OPRM1: variants seen among roughly 807,000 people sequenced by gnomAD.
OPRM1 encodes mu-type opioid receptor.
A neutral mutation model predicts 31.8 loss-of-function variants in OPRM1; 27 were observed. That is an observed-to-expected ratio of 0.85 (90% confidence interval 0.63 to 1.17). The LOEUF is 1.17. Among genes scored for constraint, OPRM1 ranks in the 50% most tolerant of loss-of-function variants. The probability of loss-of-function intolerance (pLI) is 0.00; values close to 1 mark genes in which losing one functional copy is unlikely to be tolerated. For missense variants in OPRM1, 536 were observed against 511.1 expected (o/e 1.05, Z -0.47); for synonymous variants, 196 against 189.9 (o/e 1.03, Z -0.26).
At chr6:154,169,538 G>T (rs1799705422) in intron 3 of OPRM1, among the ~76,000 whole-genome samples, 1 of 152,198 alleles carries the variant, frequency 6.6e-6, no homozygotes, top group Non-Finnish European at 1.5e-5. Context: ...GCTAAAGTTT[G>T]AGAACTACTG....
intron 1 of OPRM1, chr6:154,087,706 G>A (rs1030293164): frequency 1.0e-5 from 5 of 489,974 alleles, no homozygotes; most frequent in East Asian, 1.5e-4. Context: ...ACGTCTTCAC[G>A]CCCTGGACTG....
At chr6:154,077,512 G>C (rs144155532) in intron 1 of OPRM1, among the ~76,000 whole-genome samples, 23,191 of 151,160 alleles carry the variant, frequency 0.15, 1,846 homozygotes, top group Non-Finnish European at 0.17. Flanking sequence ...GGGCGGATTG[G>C]TTGAGGTCAG....
chr6:154,070,631 C>T (rs933959249), intron 1 of OPRM1, among the ~76,000 whole-genome samples: 4 of 152,162 alleles, frequency 2.6e-5, no homozygotes, highest in African/African-American at 9.7e-5. Context: ...GTAATATCTT[C>T]GCCACTTTAC....
downstream of OPRM1, among the ~76,000 whole-genome samples, chr6:154,135,156 T>C: frequency 6.6e-6 from 1 of 152,236 alleles, no homozygotes. Context: ...TTATTAAGTC[T>C]ATGTACCCAT....
intron 3 of OPRM1, among the ~76,000 whole-genome samples, chr6:154,164,126 T>C (rs1799240697): frequency 6.6e-6 from 1 of 152,222 alleles, no homozygotes; most frequent in Non-Finnish European, 1.5e-5. Flanking sequence ...TAAAGAAATT[T>C]AGACATCTAC....
At chr6:154,214,565 A>G (rs1778233256) in intron 3 of OPRM1, among the ~76,000 whole-genome samples, 1 of 152,244 alleles carries the variant, frequency 6.6e-6, no homozygotes, top group South Asian at 2.1e-4. Context: ...CATCTTCTGT[A>G]ATCCTGCATT....
At chr6:154,242,750 G>A (rs1780693646) in intron 3 of OPRM1, among the ~76,000 whole-genome samples, 1 of 152,080 alleles carries the variant, frequency 6.6e-6, no homozygotes, top group Non-Finnish European at 1.5e-5. Flanking sequence ...AGCGGGGCAT[G>A]GTGGCGCACA....
At chr6:154,104,164 T>C (rs116663408) in intron 3 of OPRM1, among the ~76,000 whole-genome samples, 1 of 152,146 alleles carries the variant, frequency 6.6e-6, no homozygotes, top group South Asian at 2.1e-4. Context: ...GGCTCTTGTG[T>C]TTAGGGTAGA....
intron 3 of OPRM1, among the ~76,000 whole-genome samples, chr6:154,153,816 G>A (rs1798610072): frequency 6.6e-6 from 1 of 152,152 alleles, no homozygotes; most frequent in Non-Finnish European, 1.5e-5. Context: ...CCAGGGAGTG[G>A]GCAAAGAAAT....
chr6:154,206,900 A>G (rs1180452781), intron 3 of OPRM1, among the ~76,000 whole-genome samples: 1 of 152,238 alleles, frequency 6.6e-6, no homozygotes, highest in Non-Finnish European at 1.5e-5. Context: ...CAAGACTGCA[A>G]TGGCAGCCTG....
At chr6:154,185,518 A>G (rs1801262712) in intron 3 of OPRM1, among the ~76,000 whole-genome samples, 1 of 152,242 alleles carries the variant, frequency 6.6e-6, no homozygotes, top group Non-Finnish European at 1.5e-5. Context: ...TATGGCTGAT[A>G]TAATACATGC....
intron 3 of OPRM1, among the ~76,000 whole-genome samples, chr6:154,118,075 C>T (rs1296629511): frequency 6.6e-6 from 1 of 152,120 alleles, no homozygotes; most frequent in African/African-American, 2.4e-5. Flanking sequence ...AAAACTTATT[C>T]TGTTTCCACA....
rs966006656 is a variant in OPRM1, at chr6:154,127,045, G to A, written c.*8324G>A. The stretch of plus-strand genomic sequence containing the variant: ...AATTGCTTGAACTGGGGAGGCGGAA[G>A]TTGCAGTGAGCCAAGATCGCAGCAT... On this transcript the variant is annotated 3_prime_UTR_variant, in exon 4 of 4. Transcript: ENST00000330432. 6.6e-6 allele frequency among the ~76,000 whole-genome samples: 1 copy of A among 151,122 alleles called. No homozygotes were observed. Among genetic ancestry groups the A allele is most frequent in the Non-Finnish European group, 1.5e-5 (1 of 67,948 alleles).
chr6:154,153,058 G>T (rs959523989), intron 3 of OPRM1, among the ~76,000 whole-genome samples: 1 of 152,132 alleles, frequency 6.6e-6, no homozygotes, highest in African/African-American at 2.4e-5. Context: ...TTAAAAGCCA[G>T]AAATTTCTTG....
intron 3 of OPRM1, among the ~76,000 whole-genome samples, chr6:154,164,941 T>C (rs1562518663): frequency 6.6e-6 from 1 of 152,222 alleles, no homozygotes; most frequent in African/African-American, 2.4e-5. Flanking sequence ...CCTAGAAGAA[T>C]TTCCCTGAAG....
intron 3 of OPRM1, among the ~76,000 whole-genome samples, chr6:154,232,700 G>A (rs929704147): frequency 6.6e-6 from 1 of 152,104 alleles, no homozygotes; most frequent in African/African-American, 2.4e-5. Context: ...TTAATGTCTC[G>A]ATGTAAGCCA....
chr6:154,240,331 G>A (rs541690608), intron 3 of OPRM1, among the ~76,000 whole-genome samples: 1 of 152,206 alleles, frequency 6.6e-6, no homozygotes, highest in South Asian at 2.1e-4. Context: ...TGTTGTAGCT[G>A]GGGGAGAAAG....
intron 3 of OPRM1, chr6:154,093,198 T>G: frequency 7.6e-7 from 1 of 1,308,858 alleles, no homozygotes; most frequent in Non-Finnish European, 1.1e-6. Context: ...TAAAATATTT[T>G]GCTTTGAAGT....
chr6:154,053,066 T>C (rs990494818), intron 1 of OPRM1, among the ~76,000 whole-genome samples: 3 of 152,202 alleles, frequency 2.0e-5, no homozygotes, highest in Non-Finnish European at 2.9e-5. Flanking sequence ...TTTATTTGAC[T>C]CAGACAATCA....
Sources: gnomAD v4.1 joint callset for allele counts (sites outside exome capture counted in the v4.1 genomes callset) on GRCh38, gnomAD v4.1.1 for gene constraint, MANE v1.5 for transcripts, NCBI Gene and HGNC (gene_info 2026-07-23, HGNC 2026-07-21) for gene names.